DNAH7: variants seen among roughly 807,000 people sequenced by gnomAD.
The protein encoded by DNAH7 is axonemal beta dynein heavy chain 7.
In DNAH7, 397 loss-of-function variants were observed where a neutral mutation model predicts 444.6. The ratio of observed to expected loss-of-function variants is 0.89; its 90% CI spans 0.82 to 0.97. The LOEUF (loss-of-function observed/expected upper bound fraction) is 0.97. Among genes scored for constraint, DNAH7 ranks in the 50% least tolerant of loss-of-function variants. The probability of loss-of-function intolerance (pLI) is 0.00; values close to 1 mark genes in which losing one functional copy is unlikely to be tolerated. For missense variants in DNAH7, 4,902 were observed against 4,800.8 expected (o/e 1.02, Z -0.62); for synonymous variants, 1,636 against 1,624.4 (o/e 1.01, Z -0.17).
chr2:195,819,039 A>T (rs78614587), intron 49 of DNAH7, among the ~76,000 whole-genome samples: 1 of 151,906 alleles, frequency 6.6e-6, no homozygotes, highest in Non-Finnish European at 1.5e-5. Flanking sequence ...CAAGGAACTG[A>T]TTGTGGAATC....
At chr2:195,927,427 A>G (rs1271733052) in intron 21 of DNAH7, among the ~76,000 whole-genome samples, 1 of 152,138 alleles carries the variant, frequency 6.6e-6, no homozygotes, top group Non-Finnish European at 1.5e-5. Context: ...CTGGGTGTTG[A>G]TATTAAAGAC....
chr2:195,769,054 TATC>T (rs1694722266), intron 61 of DNAH7, among the ~76,000 whole-genome samples: 1 of 152,214 alleles, frequency 6.6e-6, no homozygotes, highest in South Asian at 2.1e-4. Context: ...TGGTCACAGA[TATC>T]ATGTCAAGTT....
chr2:195,963,786 T>C (rs1691275503), intron 17 of DNAH7, among the ~76,000 whole-genome samples: 1 of 152,224 alleles, frequency 6.6e-6, no homozygotes, highest in South Asian at 2.1e-4. Context: ...TGATTTTTTA[T>C]ATGGTGAGAG....
rs1009932085 is a variant in DNAH7, at chr2:196,022,017, C to T, written c.743+2412G>A. Among the ~76,000 whole-genome samples the T allele has an allele frequency of 5.9e-5, 9 of 152,142 alleles. 1 individual carries two copies. In the South Asian group the frequency reaches 1.9e-3, roughly 32 times the overall value. On this transcript the variant is annotated intron_variant, in intron 8 of 64. Coordinates refer to ENST00000312428, the MANE Select transcript of DNAH7 (RefSeq NM_018897.3). ...TGGTGCACACCTGTAATCCCACTTA[C>T]TCAGAAGGCTGAGGCAGGAGAATCG...
chr2:195,988,186 T>C lies in DNAH7; in HGVS notation c.1397A>G (p.Asn466Ser), dbSNP rs1574957798. The change falls in exon 13 of 65, where the codon AAT (asparagine) becomes AGT (serine). Residue 466 changes from asparagine (N) to serine (S), a missense_variant. By Grantham distance (46) the Asn-to-Ser change is conservative. Transcript: ENST00000312428. ...TTCTTTGTGAGCATCTACAATTTCA[T>C]TCAGAATTATGGGCTTCAAGGTTGT... ...KPTTLKPIIL[N>S]EIVDAHKEKI... 1.9e-6 allele frequency: 3 copies of C among 1,613,136 alleles called. No individual in the cohort carries two copies. The highest frequency in any genetic ancestry group is 1.3e-5 in the African/African-American group (1 of 75,014).
intron 48 of DNAH7, among the ~76,000 whole-genome samples, chr2:195,827,421 G>A (rs963756447): frequency 1.3e-5 from 2 of 151,760 alleles, no homozygotes; most frequent in Non-Finnish European, 2.9e-5. Flanking sequence ...GGGACTACAG[G>A]TGGGTACCAT....
At chr2:196,063,955 G>A (rs1698276120) in intron 1 of DNAH7, 1 of 152,276 alleles carries the variant, frequency 6.6e-6, no homozygotes, top group Non-Finnish European at 1.5e-5. Flanking sequence ...GCTTGGGTTT[G>A]GCTGCCATGC....
At chr2:195,792,964 C>T (rs1695957186) in intron 57 of DNAH7, among the ~76,000 whole-genome samples, 1 of 152,054 alleles carries the variant, frequency 6.6e-6, no homozygotes. Context: ...TCTTCTTGCT[C>T]TGTCACCCAG....
chr2:195,791,329 A>T (rs1201807119), intron 57 of DNAH7, among the ~76,000 whole-genome samples: 1 of 145,404 alleles, frequency 6.9e-6, no homozygotes, highest in Non-Finnish European at 1.5e-5. Context: ...TAGCCGGGCG[A>T]GGTGGCGGGC....
At chr2:195,999,227 G>A (rs1213805148) in intron 12 of DNAH7, 3 of 717,178 alleles carry the variant, frequency 4.2e-6, no homozygotes, top group South Asian at 3.0e-5. Context: ...AAATGTCCTG[G>A]TTTTGCTTTG....
In DNAH7 at chr2:195,811,242, C is replaced by T. The variant is rs560067545; in HGVS notation, c.9762-1371G>A. Among the ~76,000 whole-genome samples, 869 of 152,300 alleles carry T rather than the reference C, an allele frequency of 5.7e-3. 11 individuals are homozygous for T. The highest frequency in any genetic ancestry group is 0.019 in the African/African-American group (802 of 41,554). Reference sequence around the variant, plus strand: ...ATATCAGGAATCTGCAAGAAGTGAACACCTTTGTCCTAATTTTGGGATTTC... The same window carrying T: ...ATATCAGGAATCTGCAAGAAGTGAATACCTTTGTCCTAATTTTGGGATTTC... On this transcript the variant is annotated intron_variant, in intron 51 of 64. Transcript: ENST00000312428.
At chr2:195,787,313 G>T in intron 57 of DNAH7, 142 bp from the exon 58 acceptor site, 1 of 888,642 alleles carries the variant, frequency 1.1e-6, no homozygotes, top group Non-Finnish European at 1.7e-6. Flanking sequence ...TTATAACAGA[G>T]TTAAGTATGT....
At position 196,007,760 on chromosome 2, in the gene DNAH7, C is replaced by T. The variant is rs116182338; in HGVS notation, c.989+5027G>A. Among the ~76,000 whole-genome samples, 376 of 152,292 alleles carry T rather than the reference C, an allele frequency of 2.5e-3. 1 individual carries two copies. Among genetic ancestry groups the T allele is most frequent in the African/African-American group, 8.7e-3 (361 of 41,566 alleles). On this transcript the variant is annotated intron_variant, in intron 10 of 64. Transcript: ENST00000312428. Reference sequence around the variant, plus strand: ...CCATGTAGGACCGGGCTTTGCTCCTCATTTGCCTTCCACCATGATTGTGAG... The same window carrying T: ...CCATGTAGGACCGGGCTTTGCTCCTTATTTGCCTTCCACCATGATTGTGAG...
chr2:196,033,846 A>G (rs1696216562), intron 5 of DNAH7, among the ~76,000 whole-genome samples: 1 of 152,208 alleles, frequency 6.6e-6, no homozygotes, highest in Non-Finnish European at 1.5e-5. Context: ...TTCTATTATT[A>G]GTTTTTTGAC....
rs139069790 is a variant in DNAH7 at position 196,051,049 on chromosome 2, T to A, written c.141+138A>T. 5 of 720,556 alleles carry A rather than the reference T, an allele frequency of 6.9e-6. No individual in the cohort carries two copies. In the African/African-American group the frequency reaches 8.8e-5, roughly 13 times the overall value. 44.6% of individuals were successfully genotyped at this position (720,556 alleles called of 1,614,324 possible). A position where few individuals can be genotyped will look rare whatever the true frequency, so the allele number is the denominator to read the frequency against. Reference sequence around the variant, plus strand: ...TTACTAAGATAGTTATTTGTCCTAATATGCACACCTCATAGAATTTCTCCA... The same window carrying A: ...TTACTAAGATAGTTATTTGTCCTAAAATGCACACCTCATAGAATTTCTCCA... On this transcript the variant is annotated intron_variant, in intron 3 of 64. Transcript: ENST00000312428.
intron 47 of DNAH7, among the ~76,000 whole-genome samples, chr2:195,842,135 T>A (rs180901304): frequency 2.0e-4 from 30 of 152,214 alleles, no homozygotes; most frequent in Admixed American, 1.2e-3. Context: ...CAGAGTTATA[T>A]CAGATACAGG....
chr2:195,756,166 C>G lies in DNAH7; in HGVS notation c.11553G>C (p.Val3851=). The G allele has an allele frequency of 6.2e-7, 1 of 1,607,932 alleles. No individual in the cohort carries two copies. The highest frequency in any genetic ancestry group is 8.5e-7 in the Non-Finnish European group (1 of 1,176,124). Residue 3851 remains valine (V), a synonymous_variant, in exon 62 of 65, where the codon GTG becomes GTC. Transcript: ENST00000312428. The stretch of plus-strand genomic sequence containing the variant: ...ATTTTAGTCTTGCAAGGAAGTCATT[C>G]ACATAGCTGCCAAGTGGTTTAAGGC... The part of the protein sequence containing the change: ...YPSLKPLGSY[V]NDFLARLKFL...
At chr2:195,868,375 C>T (rs1446797764) in intron 40 of DNAH7, among the ~76,000 whole-genome samples, 3 of 151,878 alleles carry the variant, frequency 2.0e-5, no homozygotes, top group South Asian at 2.1e-4. Flanking sequence ...TGAGCCACCA[C>T]GCCTGGCCTA....
chr2:195,933,228 G>A (rs573715819), intron 21 of DNAH7, among the ~76,000 whole-genome samples: 110 of 152,176 alleles, frequency 7.2e-4, no homozygotes, highest in South Asian at 1.7e-3. Flanking sequence ...TTAGAATGGC[G>A]ATCATTAAAA....
Sources: allele counts gnomAD v4.1 joint callset (sites outside exome capture counted in the v4.1 genomes callset), GRCh38; gene constraint gnomAD v4.1.1; transcripts MANE v1.5; gene names NCBI Gene and HGNC (gene_info 2026-07-23, HGNC 2026-07-21).